Variants in CCDC192 observed in about 807,000 individuals in gnomAD.
The protein encoded by CCDC192 is coiled-coil domain containing 192.
At chr5:127,871,284 A>C (rs1256624316) in intron 5 of CCDC192, among the ~76,000 whole-genome samples, 1 of 152,250 alleles carries the variant, frequency 6.6e-6, no homozygotes, top group Non-Finnish European at 1.5e-5. Context: ...CAGAAAACTT[A>C]ATTTCTAAAA....
At position 127,858,163 on chromosome 5, in the gene CCDC192, A is replaced by G. The variant is rs539208913; in HGVS notation, c.412-17375A>G. Among the ~76,000 whole-genome samples, 8 of 152,318 alleles carry G rather than the reference A, an allele frequency of 5.3e-5. No individual in the cohort carries two copies. In the South Asian group the frequency reaches 1.2e-3, roughly 24 times the overall value. The stretch of plus-strand genomic sequence containing the variant: ...AATGTTAACCACTACAAATATTAAT[A>G]TTATAAATCCGATCCTATTGACCAC... On this transcript the variant is annotated intron_variant, in intron 5 of 6. Transcript: ENST00000514853.
At chr5:127,868,638 A>G (rs995415312) in intron 5 of CCDC192, among the ~76,000 whole-genome samples, 7 of 152,174 alleles carry the variant, frequency 4.6e-5, no homozygotes, top group Non-Finnish European at 1.0e-4. Flanking sequence ...AATCCCTGCA[A>G]TTGGGGAGGC....
At chr5:127,798,389 G>C (rs1757293649) in intron 5 of CCDC192, among the ~76,000 whole-genome samples, 1 of 152,124 alleles carries the variant, frequency 6.6e-6, no homozygotes, top group African/African-American at 2.4e-5. Flanking sequence ...TAATCAGATG[G>C]TCTAATCAGG....
intron 5 of CCDC192, among the ~76,000 whole-genome samples, chr5:127,802,207 G>A (rs1757542570): frequency 6.6e-6 from 1 of 152,162 alleles, no homozygotes; most frequent in Non-Finnish European, 1.5e-5. Context: ...CTAAGAATGT[G>A]TCTCTGAATG....
chr5:127,821,065 G>A (rs77360874), intron 5 of CCDC192, among the ~76,000 whole-genome samples: 3,448 of 151,944 alleles, frequency 0.023, 56 homozygotes, highest in South Asian at 0.051. Context: ...TGGAAGCTCA[G>A]GCAGGCAGAA....
chr5:127,876,455 A>T (rs1400540185), intron 6 of CCDC192, among the ~76,000 whole-genome samples: 1 of 152,200 alleles, frequency 6.6e-6, no homozygotes, highest in Non-Finnish European at 1.5e-5. Flanking sequence ...TGCACAAGCA[A>T]CACTTGGAGA....
intron 6 of CCDC192, among the ~76,000 whole-genome samples, chr5:127,888,948 C>T (rs544374863): frequency 6.6e-6 from 1 of 152,234 alleles, no homozygotes; most frequent in African/African-American, 2.4e-5. Context: ...AAAAGATGAC[C>T]TTCTTTTGAG....
At chr5:127,876,164 T>C (rs1752071015) in intron 6 of CCDC192, among the ~76,000 whole-genome samples, 1 of 149,686 alleles carries the variant, frequency 6.7e-6, no homozygotes, top group African/African-American at 2.5e-5. Flanking sequence ...AAATTGTTAA[T>C]AGCCACATTG....
At chr5:127,760,701 CAAAAAAAAAAAAAAA>C (rs56177728) in intron 3 of CCDC192, among the ~76,000 whole-genome samples, 5 of 54,910 alleles carry the variant, frequency 9.1e-5, no homozygotes, top group South Asian at 7.6e-4. Context: ...GATTCTGTCT[CAAAAAAAAAAAAAAA>C]AAAAAAAAGG....
chr5:127,841,327 C>T (rs1750275823), intron 5 of CCDC192, among the ~76,000 whole-genome samples: 1 of 152,132 alleles, frequency 6.6e-6, no homozygotes, highest in African/African-American at 2.4e-5. Flanking sequence ...TCTGAGTTCC[C>T]AAAGTGCATT....
chr5:127,901,917 G>GT (rs1455052657), intron 6 of CCDC192, among the ~76,000 whole-genome samples: 41 of 152,312 alleles, frequency 2.7e-4, no homozygotes, highest in African/African-American at 9.6e-4. Context: ...CAAGTAAATT[G>GT]TGATGAATAA....
intron 3 of CCDC192, among the ~76,000 whole-genome samples, chr5:127,761,309 A>G (rs759808689): frequency 5.9e-5 from 9 of 152,168 alleles, no homozygotes; most frequent in Non-Finnish European, 1.3e-4. Context: ...GATTGATAAG[A>G]CCCCTGACTC....
chr5:127,745,904 T>A (rs1391532492), intron 2 of CCDC192, among the ~76,000 whole-genome samples: 1 of 152,242 alleles, frequency 6.6e-6, no homozygotes, highest in African/African-American at 2.4e-5. Flanking sequence ...CTTGCAAAAC[T>A]GGGACAACAA....
intron 6 of CCDC192, among the ~76,000 whole-genome samples, chr5:127,901,550 A>T (rs1753037281): frequency 6.6e-6 from 1 of 152,214 alleles, no homozygotes; most frequent in Non-Finnish European, 1.5e-5. Context: ...ACATAATTAA[A>T]AATAAAATTA....
chr5:127,819,506 T>C (rs772183043), intron 5 of CCDC192, among the ~76,000 whole-genome samples: 3 of 152,124 alleles, frequency 2.0e-5, no homozygotes, highest in Non-Finnish European at 4.4e-5. Flanking sequence ...TGATAATATA[T>C]GTTATCTTTT....
chr5:127,903,598 G>A (rs922686892), intron 6 of CCDC192, among the ~76,000 whole-genome samples: 1 of 152,050 alleles, frequency 6.6e-6, no homozygotes, highest in African/African-American at 2.4e-5. Context: ...GTTTTGGATG[G>A]GTATGTCTGG....
Position 127,734,365 on chromosome 5 carries a change from G to T in CCDC192, c.115-19903G>T, listed in dbSNP as rs1347203007. 2.7e-3 allele frequency among the ~76,000 whole-genome samples: 404 copies of T among 151,854 alleles called. 4 individuals carry two copies. The highest frequency in any genetic ancestry group is 0.01 in the Middle Eastern group (3 of 294). ...GGTTGGTTCCAAGTCTTTGCTATTG[G>T]GAATAATGCCGCAATAAACATACGT... On this transcript the variant is annotated intron_variant, in intron 2 of 6. Coordinates refer to ENST00000514853, the MANE Select transcript of CCDC192 (RefSeq NM_001317938.2).
At chr5:127,870,127 C>T (rs1172723431) in intron 5 of CCDC192, among the ~76,000 whole-genome samples, 1 of 152,186 alleles carries the variant, frequency 6.6e-6, no homozygotes, top group East Asian at 1.9e-4. Context: ...CTGATCCATT[C>T]TTTGTCACTT....
intron 5 of CCDC192, among the ~76,000 whole-genome samples, chr5:127,852,938 A>C (rs1189960191): frequency 1.3e-5 from 2 of 151,966 alleles, no homozygotes; most frequent in Non-Finnish European, 2.9e-5. Context: ...AAAATACAAA[A>C]AATTAGCCGG....
Sources: allele counts gnomAD v4.1 joint callset (sites outside exome capture counted in the v4.1 genomes callset), GRCh38; gene constraint gnomAD v4.1.1; transcripts MANE v1.5; gene names NCBI Gene and HGNC (gene_info 2026-07-23, HGNC 2026-07-21).